AP1S3: variants seen among roughly 807,000 people sequenced by gnomAD.
The protein encoded by AP1S3 is adaptor related protein complex 1 subunit sigma 3.
A neutral mutation model predicts 20.9 loss-of-function variants in AP1S3; 10 were observed. That is an observed-to-expected ratio of 0.48 (90% CI 0.29 to 0.81). The LOEUF is 0.81. AP1S3 is among the 30% of genes least tolerant of loss of function. AP1S3 has a pLI of 0.08. For synonymous variants in AP1S3, 41 were observed against 61.5 expected, an observed-to-expected ratio of 0.67 and a Z score of 1.56; for missense variants, 154 against 183.8, an observed-to-expected ratio of 0.84 and a Z score of 0.94.
At chr2:223,811,584 A>G (rs992672187) in intron 1 of AP1S3, among the ~76,000 whole-genome samples, 1 of 151,818 alleles carries the variant, frequency 6.6e-6, no homozygotes, top group South Asian at 2.1e-4. Flanking sequence ...AAAAAAAAGA[A>G]AAAAAGAAAT....
chr2:223,830,936 A>G (rs2106041571), intron 1 of AP1S3, among the ~76,000 whole-genome samples: 1 of 152,284 alleles, frequency 6.6e-6, no homozygotes, highest in Admixed American at 6.5e-5. Flanking sequence ...ATAACATTCT[A>G]TTTCTAACTT....
chr2:223,765,396 AG>A (rs1201159415), intron 3 of AP1S3, 46 bp from the exon 4 acceptor site: 6 of 1,569,204 alleles, frequency 3.8e-6, no homozygotes, highest in Non-Finnish European at 5.2e-6. Flanking sequence ...CAGTTGTATC[AG>A]GGGAAACATC....
At chr2:223,817,700 C>G (rs151318560) in intron 1 of AP1S3, among the ~76,000 whole-genome samples, 2 of 151,758 alleles carry the variant, frequency 1.3e-5, no homozygotes, top group African/African-American at 4.9e-5. Flanking sequence ...TCTGAGTATC[C>G]GCTGTTGATT....
intron 1 of AP1S3, among the ~76,000 whole-genome samples, chr2:223,810,782 T>C (rs911974800): frequency 1.1e-4 from 16 of 152,252 alleles, no homozygotes; most frequent in African/African-American, 3.1e-4. Context: ...AAATACGTTG[T>C]GATGAATGGA....
rs1210768173 is a variant in AP1S3, at chr2:223,775,886, A to G, written c.291+15T>C. 1 of 1,605,738 alleles carries G rather than the reference A, an allele frequency of 6.2e-7. No homozygotes were observed. On this transcript the variant is annotated intron_variant, in intron 3 of 4. Transcript: ENST00000396654. ...GGGACTGTAGCTAATCCTAACCGAC[A>G]AGGACAACACTTACATTTCCAAAAT...
intron 3 of AP1S3, among the ~76,000 whole-genome samples, chr2:223,768,727 C>T (rs1157849273): frequency 1.3e-5 from 2 of 151,990 alleles, no homozygotes; most frequent in African/African-American, 2.4e-5. Flanking sequence ...TGATGGTGCA[C>T]GACTGTAATC....
intron 1 of AP1S3, among the ~76,000 whole-genome samples, chr2:223,800,206 T>C (rs1342492914): frequency 7.2e-5 from 10 of 138,386 alleles, no homozygotes; most frequent in African/African-American, 2.5e-4. Flanking sequence ...CAAAGCGAGA[T>C]TGCGTCTAAA....
intron 1 of AP1S3, among the ~76,000 whole-genome samples, chr2:223,787,701 T>C (rs1251819814): frequency 6.6e-6 from 1 of 152,084 alleles, no homozygotes; most frequent in African/African-American, 2.4e-5. Flanking sequence ...ATGTGCCACA[T>C]GCAGATTTCT....
At chr2:223,815,592 G>T (rs776456153) in intron 1 of AP1S3, among the ~76,000 whole-genome samples, 2 of 152,098 alleles carry the variant, frequency 1.3e-5, no homozygotes, top group Non-Finnish European at 2.9e-5. Flanking sequence ...AAAAACTAAG[G>T]TAATCAGTCT....
chr2:223,814,667 T>C (rs1691805023), intron 1 of AP1S3, among the ~76,000 whole-genome samples: 1 of 152,226 alleles, frequency 6.6e-6, no homozygotes, highest in Non-Finnish European at 1.5e-5. Context: ...ACTACTTAGT[T>C]ACACTTCAAT....
intron 1 of AP1S3, among the ~76,000 whole-genome samples, chr2:223,793,431 A>T (rs1479308924): frequency 2.0e-5 from 3 of 152,190 alleles, no homozygotes; most frequent in Non-Finnish European, 2.9e-5. Flanking sequence ...AGGGACATAG[A>T]TGGAGCTGGA....
At chr2:223,771,810 T>A (rs916313594) in intron 3 of AP1S3, among the ~76,000 whole-genome samples, 5 of 152,202 alleles carry the variant, frequency 3.3e-5, no homozygotes, top group African/African-American at 1.2e-4. Context: ...TAAAGCTATA[T>A]ATAAAATAAG....
intron 1 of AP1S3, among the ~76,000 whole-genome samples, chr2:223,788,157 G>T (rs750307306): frequency 1.3e-5 from 2 of 151,750 alleles, no homozygotes; most frequent in Non-Finnish European, 2.9e-5. Context: ...ATGTTGGCCA[G>T]GCTGGTCCCA....
intron 1 of AP1S3, among the ~76,000 whole-genome samples, chr2:223,833,395 A>T (rs1692323454): frequency 1.3e-5 from 2 of 152,176 alleles, no homozygotes; most frequent in South Asian, 4.1e-4. Context: ...CAATAGCCCT[A>T]ACACTGTTTT....
At chr2:223,799,794 T>A (rs901056176) in intron 1 of AP1S3, among the ~76,000 whole-genome samples, 2 of 152,164 alleles carry the variant, frequency 1.3e-5, no homozygotes, top group Non-Finnish European at 2.9e-5. Flanking sequence ...CTCATGAACC[T>A]AGGTGAAAAA....
chr2:223,755,997 A>G lies in AP1S3; in HGVS notation c.*2718T>C. On this transcript the variant is annotated 3_prime_UTR_variant, in exon 5 of 5. Coordinates refer to ENST00000396654, the MANE Select transcript of AP1S3 (RefSeq NM_001039569.2). ...GACAAATTTCAAAAGAACCGGAAAA[A>G]CTATGATGGATTTACATGAGGTCCA... 18 of 985,452 alleles carry G rather than the reference A, an allele frequency of 1.8e-5. No homozygotes were observed. Among genetic ancestry groups the G allele is most frequent in the Non-Finnish European group, 2.2e-5 (18 of 829,934 alleles). 61.0% of individuals were successfully genotyped at this position (985,452 alleles called of 1,614,324 possible).
chr2:223,813,518 G>A (rs569177764), intron 1 of AP1S3, among the ~76,000 whole-genome samples: 2 of 152,292 alleles, frequency 1.3e-5, no homozygotes, highest in South Asian at 4.1e-4. Context: ...GAGAGATTAA[G>A]TAATTTGCCC....
At chr2:223,784,898 G>A (rs544989358) in intron 1 of AP1S3, among the ~76,000 whole-genome samples, 13 of 152,090 alleles carry the variant, frequency 8.5e-5, no homozygotes, top group South Asian at 2.1e-4. Flanking sequence ...CTAAAATGCA[G>A]ACAAATATTG....
intron 1 of AP1S3, among the ~76,000 whole-genome samples, chr2:223,802,302 A>ATT (rs66747473): frequency 7.7e-6 from 1 of 129,664 alleles, no homozygotes; most frequent in Non-Finnish European, 1.6e-5. Context: ...ATCCAGTTTT[A>ATT]TTTTATTTTT....
Sources: gnomAD v4.1 joint callset for allele counts (sites outside exome capture counted in the v4.1 genomes callset) on GRCh38, gnomAD v4.1.1 for gene constraint, MANE v1.5 for transcripts, NCBI Gene and HGNC (gene_info 2026-07-23, HGNC 2026-07-21) for gene names.